The following SENP7 variants were observed in gnomAD, a reference collection of about 807,000 sequenced individuals.
The protein encoded by SENP7 is SUMO specific peptidase 7, also known as sentrin-specific protease 7.
SENP7 carries 64 observed loss-of-function variants against 141.2 expected under a neutral mutation model. The observed-to-expected ratio is 0.45, with a 90% CI of 0.37 to 0.56. The LOEUF is 0.56. Among genes scored for constraint, SENP7 ranks in the 20% least tolerant of loss-of-function variants. SENP7 has a pLI of 0.00. For missense variants in SENP7, 1,025 were observed against 1,212.2 expected (o/e 0.85, Z 2.29); for synonymous variants, 382 against 426.4 (o/e 0.90, Z 1.28).
chr3:101,412,404 T>A (rs2061480912), intron 5 of SENP7, among the ~76,000 whole-genome samples: 1 of 152,104 alleles, frequency 6.6e-6, no homozygotes, highest in African/African-American at 2.4e-5. Flanking sequence ...ACAGATTAGT[T>A]TCTAAATTTG....
intron 17 of SENP7, among the ~76,000 whole-genome samples, chr3:101,335,034 C>G (rs940707752): frequency 1.1e-4 from 17 of 152,130 alleles, no homozygotes; most frequent in Admixed American, 9.8e-4. Context: ...GATAAAGTCC[C>G]TAACTTCATG....
intron 5 of SENP7, among the ~76,000 whole-genome samples, chr3:101,402,962 G>A (rs2061194379): frequency 6.6e-6 from 1 of 152,104 alleles, no homozygotes; most frequent in African/African-American, 2.4e-5. Context: ...ATTTCATATA[G>A]CTACCACAAA....
At chr3:101,406,084 G>T (rs1465286511) in intron 5 of SENP7, among the ~76,000 whole-genome samples, 1 of 152,138 alleles carries the variant, frequency 6.6e-6, no homozygotes, top group Non-Finnish European at 1.5e-5. Context: ...CCATTACTGG[G>T]TATATACCCA....
In SENP7 at chr3:101,463,394, T is replaced by C. The variant is rs1042944531; in HGVS notation, c.187-4342A>G. Among the ~76,000 whole-genome samples the C allele has an allele frequency of 7.0e-4, 61 of 86,822 alleles. 1 individual carries two copies. Among genetic ancestry groups the C allele is most frequent in the African/African-American group, 3.0e-3 (52 of 17,142 alleles). 57.0% of individuals were successfully genotyped at this position (86,822 alleles called of 152,430 possible). ...ATATATATATATATATATATATATATATACATATATATATATATATATACA... is the reference window on the plus strand; with the variant it reads ...ATATATATATATATATATATATATACATACATATATATATATATATATACA... On this transcript the variant is annotated intron_variant, in intron 3 of 23. Coordinates refer to ENST00000394095, the MANE Select transcript of SENP7 (RefSeq NM_020654.5).
At chr3:101,490,047 G>A (rs973169935) in intron 3 of SENP7, among the ~76,000 whole-genome samples, 1 of 152,052 alleles carries the variant, frequency 6.6e-6, no homozygotes. Context: ...AGCCCGATGT[G>A]GTGGTGCATG....
intron 2 of SENP7, among the ~76,000 whole-genome samples, chr3:101,500,736 G>C (rs1431774316): frequency 6.6e-6 from 1 of 152,168 alleles, no homozygotes; most frequent in Non-Finnish European, 1.5e-5. Context: ...CAACTACTCT[G>C]CATCTATAGC....
intron 6 of SENP7, among the ~76,000 whole-genome samples, chr3:101,378,291 A>G (rs539962663): frequency 5.7e-4 from 87 of 152,302 alleles, no homozygotes; most frequent in African/African-American, 2.0e-3. Context: ...TTTAAAACAA[A>G]TATGATCAAC....
intron 1 of SENP7, among the ~76,000 whole-genome samples, chr3:101,507,747 A>C (rs1442388061): frequency 6.6e-6 from 1 of 152,108 alleles, no homozygotes; most frequent in Non-Finnish European, 1.5e-5. Flanking sequence ...CTTTAAAATT[A>C]ACATAAATTG....
chr3:101,512,074 C>A (rs963286683), intron 1 of SENP7, among the ~76,000 whole-genome samples: 33 of 152,220 alleles, frequency 2.2e-4, no homozygotes, highest in Admixed American at 1.6e-3. Flanking sequence ...ACCGCCTCGG[C>A]CTCCCAAGGT....
chr3:101,451,481 C>G (rs1164641126), intron 4 of SENP7, among the ~76,000 whole-genome samples: 1 of 152,200 alleles, frequency 6.6e-6, no homozygotes, highest in Non-Finnish European at 1.5e-5. Flanking sequence ...CACTGGCAAA[C>G]CGAATCCAGC....
intron 6 of SENP7, among the ~76,000 whole-genome samples, chr3:101,383,883 G>C (rs993126910): frequency 6.6e-6 from 1 of 152,230 alleles, no homozygotes; most frequent in African/African-American, 2.4e-5. Context: ...CTTCAGGCCT[G>C]GGACAGCCTG....
At chr3:101,432,809 A>G (rs200740465) in intron 4 of SENP7, among the ~76,000 whole-genome samples, 1 of 152,214 alleles carries the variant, frequency 6.6e-6, no homozygotes, top group East Asian at 1.9e-4. Flanking sequence ...GGATGGCTAC[A>G]AGTAAGCACA....
chr3:101,417,862 A>T (rs60767223), intron 4 of SENP7, 72 bp from the exon 5 acceptor site: 11 of 1,209,842 alleles, frequency 9.1e-6, no homozygotes, highest in Non-Finnish European at 1.1e-5. Flanking sequence ...TCACAAACTA[A>T]TATCTCCAGA....
intron 17 of SENP7, among the ~76,000 whole-genome samples, chr3:101,334,220 C>T (rs1379786864): frequency 6.6e-6 from 1 of 152,134 alleles, no homozygotes; most frequent in Non-Finnish European, 1.5e-5. Context: ...CCACCTTGAA[C>T]AGGGTTGGCT....
chr3:101,424,302 C>A (rs1048668413), intron 4 of SENP7, among the ~76,000 whole-genome samples: 1 of 151,734 alleles, frequency 6.6e-6, no homozygotes, highest in Non-Finnish European at 1.5e-5. Flanking sequence ...TCCCCTTGGC[C>A]CATGGCAACC....
At chr3:101,363,506 A>G (rs2059954677) in intron 10 of SENP7, among the ~76,000 whole-genome samples, 1 of 152,194 alleles carries the variant, frequency 6.6e-6, no homozygotes, top group Non-Finnish European at 1.5e-5. Context: ...TCCACAAGAT[A>G]TGTTATTTTC....
At position 101,458,250 on chromosome 3, in the gene SENP7, C is replaced by T. The variant is rs188618662; in HGVS notation, c.284+705G>A. Among the ~76,000 whole-genome samples, 5 of 152,328 alleles carry T rather than the reference C, an allele frequency of 3.3e-5. No homozygotes were observed. In the East Asian group the frequency reaches 9.6e-4, roughly 29 times the overall value. Reference sequence around the variant, plus strand: ...TTAGACTAAGTAGTTTATAGAAGTACTTTGACATAAATTCAAGGACCCCAA... The same window carrying T: ...TTAGACTAAGTAGTTTATAGAAGTATTTTGACATAAATTCAAGGACCCCAA... On this transcript the variant is annotated intron_variant, in intron 4 of 23. Transcript: ENST00000394095.
chr3:101,388,618 T>C (rs887798814), intron 6 of SENP7, among the ~76,000 whole-genome samples: 1 of 152,156 alleles, frequency 6.6e-6, no homozygotes, highest in Non-Finnish European at 1.5e-5. Context: ...CAAAGGAATA[T>C]AATAATTCTC....
At chr3:101,496,167 G>A (rs1052200113) in intron 2 of SENP7, among the ~76,000 whole-genome samples, 1 of 152,086 alleles carries the variant, frequency 6.6e-6, no homozygotes, top group Non-Finnish European at 1.5e-5. Flanking sequence ...GTGTCTGGGT[G>A]GCCTTAATTC....
Sources: gnomAD v4.1 joint callset for allele counts (sites outside exome capture counted in the v4.1 genomes callset) on GRCh38, gnomAD v4.1.1 for gene constraint, MANE v1.5 for transcripts, NCBI Gene and HGNC (gene_info 2026-07-23, HGNC 2026-07-21) for gene names.